Variants in TNIK observed in about 807,000 individuals in gnomAD.
TNIK encodes the protein TRAF2 and NCK-interacting protein kinase.
TNIK carries 49 observed loss-of-function variants against 191.3 expected under a neutral mutation model. The ratio of observed to expected loss-of-function variants is 0.26; its 90% confidence interval spans 0.20 to 0.32. TNIK has a LOEUF of 0.32. Among genes scored for constraint, TNIK ranks in the 10% least tolerant of loss-of-function variants. The probability of loss-of-function intolerance (pLI) is 1.00; values close to 1 mark genes in which losing one functional copy is unlikely to be tolerated. For synonymous variants in TNIK, 594 were observed against 600.9 expected (o/e 0.99, Z 0.17); for missense variants, 1,155 against 1,702.3 (o/e 0.68, Z 5.66).
At chr3:171,122,400 T>A (rs1164121345) in intron 18 of TNIK, among the ~76,000 whole-genome samples, 1 of 152,154 alleles carries the variant, frequency 6.6e-6, no homozygotes, top group Non-Finnish European at 1.5e-5. Context: ...CTAGTCTTCC[T>A]CAGTGCTGCT....
chr3:171,157,848 T>G (rs2108717328), intron 11 of TNIK, among the ~76,000 whole-genome samples, 184 bp from the exon 12 acceptor site: 1 of 152,298 alleles, frequency 6.6e-6, no homozygotes, highest in South Asian at 2.1e-4. Context: ...ATAAGAGACC[T>G]GCCTCCCTTT....
intron 1 of TNIK, among the ~76,000 whole-genome samples, chr3:171,402,376 G>T (rs1721057503): frequency 6.6e-6 from 1 of 152,174 alleles, no homozygotes; most frequent in Non-Finnish European, 1.5e-5. Context: ...GAAGTAAAGG[G>T]TAAGGAAAAA....
intron 7 of TNIK, among the ~76,000 whole-genome samples, chr3:171,180,947 A>G (rs2108799018): frequency 6.6e-6 from 1 of 152,324 alleles, no homozygotes; most frequent in South Asian, 2.1e-4. Flanking sequence ...CTCCAGTTTC[A>G]TGCTATAAAA....
At chr3:171,157,785 G>A in intron 11 of TNIK, 121 bp from the exon 12 acceptor site, 1 of 994,760 alleles carries the variant, frequency 1.0e-6, no homozygotes, top group South Asian at 1.7e-5. Flanking sequence ...AAGAGCACAG[G>A]CTCCTAGATC....
chr3:171,421,325 G>A, intron 1 of TNIK, among the ~76,000 whole-genome samples: 1 of 152,194 alleles, frequency 6.6e-6, no homozygotes, highest in Non-Finnish European at 1.5e-5. Context: ...CCCTGAGCCT[G>A]ACTGGCAGAA....
At chr3:171,389,862 C>A (rs1719235045) in intron 1 of TNIK, among the ~76,000 whole-genome samples, 1 of 152,196 alleles carries the variant, frequency 6.6e-6, no homozygotes, top group African/African-American at 2.4e-5. Context: ...AACTTTACAA[C>A]AAATTCCCTG....
intron 2 of TNIK, among the ~76,000 whole-genome samples, chr3:171,234,121 GT>G (rs1157816767): frequency 6.6e-6 from 1 of 152,126 alleles, no homozygotes; most frequent in Admixed American, 6.5e-5. Context: ...GAGACTAAAG[GT>G]TAGTTAATAT....
At chr3:171,161,448 C>T (rs1344397142) in intron 10 of TNIK, 112 bp from the exon 11 acceptor site, 1 of 892,512 alleles carries the variant, frequency 1.1e-6, no homozygotes, top group Non-Finnish European at 1.7e-6. Flanking sequence ...GTAGTTAACA[C>T]AGCGCTGGAA....
chr3:171,264,329 G>A lies in TNIK; in HGVS notation c.124-36108C>T, dbSNP rs114299725. ...ACATTGCGTACCAAATTGTATACAC[G>A]TATAATACACACACACACACACATA... On this transcript the variant is annotated intron_variant, in intron 2 of 32. Coordinates refer to ENST00000436636, the MANE Select transcript of TNIK (RefSeq NM_015028.4). Among the ~76,000 whole-genome samples, 537 of 146,216 alleles carry A rather than the reference G, an allele frequency of 3.7e-3. 3 individuals carry two copies. Among genetic ancestry groups the A allele is most frequent in the Non-Finnish European group, 5.8e-3 (382 of 66,402 alleles).
At chr3:171,382,873 A>G (rs1485907479) in intron 1 of TNIK, among the ~76,000 whole-genome samples, 2 of 152,218 alleles carry the variant, frequency 1.3e-5, no homozygotes, top group African/African-American at 4.8e-5. Context: ...GACTGAAAGA[A>G]TAGAAAAGAC....
At chr3:171,294,809 A>G (rs1373242718) in intron 2 of TNIK, among the ~76,000 whole-genome samples, 2 of 152,164 alleles carry the variant, frequency 1.3e-5, no homozygotes, top group African/African-American at 2.4e-5. Context: ...TCTAATTGCT[A>G]TAACAGATGT....
At chr3:171,215,832 T>C (rs1229675933) in intron 3 of TNIK, among the ~76,000 whole-genome samples, 2 of 152,218 alleles carry the variant, frequency 1.3e-5, no homozygotes, top group Non-Finnish European at 2.9e-5. Flanking sequence ...ATTAGTTATA[T>C]GCTCTGTAAT....
chr3:171,282,487 G>T (rs1049096933), intron 2 of TNIK, among the ~76,000 whole-genome samples: 3 of 151,964 alleles, frequency 2.0e-5, no homozygotes, highest in African/African-American at 7.2e-5. Flanking sequence ...AATTATGGGT[G>T]CCTGACACCA....
intron 28 of TNIK, chr3:171,071,555 TTCA>T (rs763768412): frequency 3.9e-5 from 19 of 483,456 alleles, no homozygotes; most frequent in Admixed American, 1.1e-4. Context: ...TTGAAGACTT[TTCA>T]TCATCCAGAG....
intron 2 of TNIK, among the ~76,000 whole-genome samples, chr3:171,230,817 C>T (rs1259506006): frequency 6.6e-6 from 1 of 152,150 alleles, no homozygotes; most frequent in Admixed American, 6.5e-5. Context: ...ATCCCTCTCT[C>T]CCTCTCTGGT....
At chr3:171,381,339 T>C (rs1317985841) in intron 1 of TNIK, among the ~76,000 whole-genome samples, 1 of 152,144 alleles carries the variant, frequency 6.6e-6, no homozygotes, top group African/African-American at 2.4e-5. Context: ...CTGCAAGGCC[T>C]CTCAAAGCTT....
chr3:171,085,065 T>A (rs1721163954), intron 25 of TNIK, 53 bp downstream of exon 25: 1 of 1,434,240 alleles, frequency 7.0e-7, no homozygotes, highest in Non-Finnish European at 9.6e-7. Context: ...TATCAGGTCA[T>A]ACCAGAAAGG....
chr3:171,355,159 G>A (rs1403486286), intron 2 of TNIK, among the ~76,000 whole-genome samples: 4 of 152,094 alleles, frequency 2.6e-5, no homozygotes, highest in Non-Finnish European at 5.9e-5. Flanking sequence ...CCATGGCTCC[G>A]TATTAATCAT....
chr3:171,367,539 G>A (rs1344921497), intron 2 of TNIK, among the ~76,000 whole-genome samples: 3 of 151,902 alleles, frequency 2.0e-5, no homozygotes, highest in Admixed American at 1.3e-4. Flanking sequence ...GCAAGATATC[G>A]GCTCACCACA....
Sources: allele counts gnomAD v4.1 joint callset (sites outside exome capture counted in the v4.1 genomes callset), GRCh38; gene constraint gnomAD v4.1.1; transcripts MANE v1.5; gene names NCBI Gene and HGNC (gene_info 2026-07-23, HGNC 2026-07-21).